Variants in AUTS2 observed in about 807,000 individuals in gnomAD.
The protein encoded by AUTS2 is autism susceptibility gene 2 protein.
In AUTS2, 17 loss-of-function variants were observed where a neutral mutation model predicts 112.4. The observed-to-expected ratio is 0.15, with a 90% CI of 0.10 to 0.23. The LOEUF (loss-of-function observed/expected upper bound fraction) is 0.23. Ranked by LOEUF, AUTS2 falls within the 10% of genes least tolerant of loss-of-function variation. AUTS2 has a pLI of 1.00. For missense variants in AUTS2, 1,510 were observed against 1,701.6 expected (o/e 0.89, Z 1.98); for synonymous variants, 751 against 702.7 (o/e 1.07, Z -1.09).
chr7:70,315,448 A>G (rs1396198755), intron 4 of AUTS2, among the ~76,000 whole-genome samples: 3 of 152,160 alleles, frequency 2.0e-5, no homozygotes, highest in Admixed American at 6.6e-5. Context: ...TGAAATTAGC[A>G]AATACATGCC....
At chr7:69,664,440 A>G (rs1409448239) in intron 1 of AUTS2, among the ~76,000 whole-genome samples, 2 of 151,910 alleles carry the variant, frequency 1.3e-5, no homozygotes, top group Non-Finnish European at 3.0e-5. Context: ...CTTGTGAATT[A>G]ATTGTTTTAT....
chr7:69,947,237 G>A (rs1211200932), intron 2 of AUTS2, among the ~76,000 whole-genome samples: 1 of 152,174 alleles, frequency 6.6e-6, no homozygotes, highest in African/African-American at 2.4e-5. Flanking sequence ...TTGTGTGCAA[G>A]GCTTGGAGGG....
Position 70,376,195 on chromosome 7 carries a change from T to C in AUTS2, c.661-59557T>C, listed in dbSNP as rs540790622. Among the ~76,000 whole-genome samples the C allele has an allele frequency of 8.5e-5, 13 of 152,124 alleles. No individual in the cohort carries two copies. The South Asian group carries it at 2.7e-3, about 32-fold the overall frequency. On this transcript the variant is annotated intron_variant, in intron 4 of 18. Coordinates refer to ENST00000342771, the MANE Select transcript of AUTS2 (RefSeq NM_015570.4). Reference sequence around the variant, plus strand: ...ATGATAATTGATGATAGGGTTGGAGTTTTAAAATGTTTCCGTGTGAACATC... The same window carrying C: ...ATGATAATTGATGATAGGGTTGGAGCTTTAAAATGTTTCCGTGTGAACATC...
At chr7:70,519,757 G>A (rs995120932) in intron 5 of AUTS2, among the ~76,000 whole-genome samples, 1 of 152,288 alleles carries the variant, frequency 6.6e-6, no homozygotes, top group African/African-American at 2.4e-5. Context: ...GACACACAAA[G>A]TTAGTGACAC....
intron 5 of AUTS2, among the ~76,000 whole-genome samples, chr7:70,593,916 G>C (rs1803069990): frequency 6.6e-6 from 1 of 152,146 alleles, no homozygotes; most frequent in Non-Finnish European, 1.5e-5. Context: ...TCAGTCCAGG[G>C]GCCAGCAGCG....
chr7:70,627,564 T>G (rs1356552902), intron 5 of AUTS2, among the ~76,000 whole-genome samples: 1 of 152,216 alleles, frequency 6.6e-6, no homozygotes, highest in African/African-American at 2.4e-5. Flanking sequence ...AGCTCATTAT[T>G]CCATCTCTGC....
intron 2 of AUTS2, among the ~76,000 whole-genome samples, chr7:70,102,862 C>T (rs1232170010): frequency 1.3e-5 from 2 of 151,906 alleles, no homozygotes; most frequent in South Asian, 2.1e-4. Context: ...TTAGAGACTG[C>T]TTTAATTATT....
chr7:70,262,379 G>A (rs182391241), intron 4 of AUTS2, among the ~76,000 whole-genome samples: 204 of 152,144 alleles, frequency 1.3e-3, no homozygotes, highest in Non-Finnish European at 2.3e-3. Context: ...TACTAGAGAC[G>A]AGGTTTCACC....
intron 6 of AUTS2, among the ~76,000 whole-genome samples, chr7:70,739,419 A>C (rs2129553836): frequency 6.7e-6 from 1 of 148,582 alleles, no homozygotes; most frequent in South Asian, 2.1e-4. Context: ...GCCTCAAGCG[A>C]TCTTCCCACC....
chr7:70,084,774 G>A (rs567608098), intron 2 of AUTS2, among the ~76,000 whole-genome samples: 9 of 151,930 alleles, frequency 5.9e-5, no homozygotes, highest in East Asian at 1.9e-4. Context: ...GACCTTTATC[G>A]GATATATGGT....
At chr7:69,755,180 C>T (rs138307260) in intron 1 of AUTS2, among the ~76,000 whole-genome samples, 5 of 152,174 alleles carry the variant, frequency 3.3e-5, no homozygotes, top group South Asian at 2.1e-4. Context: ...GTGGCCTTAT[C>T]GAGAACAAGA....
rs575069745 is a variant in AUTS2, at chr7:70,072,275, A to T, written c.523-45857A>T. Reference sequence around the variant, plus strand: ...AATCAGAGTGGATTAGAGAAAGCTTAGCAGGCCTAGCATGAGGCCTGAGTT... The same window carrying T: ...AATCAGAGTGGATTAGAGAAAGCTTTGCAGGCCTAGCATGAGGCCTGAGTT... On this transcript the variant is annotated intron_variant, in intron 2 of 18. Coordinates refer to ENST00000342771, the MANE Select transcript of AUTS2 (RefSeq NM_015570.4). Among the ~76,000 whole-genome samples, 4 of 152,240 alleles carry T rather than the reference A, an allele frequency of 2.6e-5. No homozygotes were observed. The East Asian group carries it at 7.7e-4, about 29-fold the overall frequency.
intron 6 of AUTS2, among the ~76,000 whole-genome samples, chr7:70,751,510 C>T (rs905830845): frequency 1.3e-5 from 2 of 152,172 alleles, no homozygotes; most frequent in African/African-American, 2.4e-5. Flanking sequence ...AATAAGCTAA[C>T]ATTTTCCCCA....
chr7:70,490,462 C>G (rs1314675469), intron 5 of AUTS2, among the ~76,000 whole-genome samples: 1 of 151,872 alleles, frequency 6.6e-6, no homozygotes, highest in Non-Finnish European at 1.5e-5. Flanking sequence ...GTTGCCATAG[C>G]AGGCAGGAGC....
At chr7:70,426,298 CG>C (rs922257409) in intron 4 of AUTS2, among the ~76,000 whole-genome samples, 6 of 152,144 alleles carry the variant, frequency 3.9e-5, no homozygotes, top group Non-Finnish European at 8.8e-5. Flanking sequence ...GATTCCACCC[CG>C]CCTCTCCCCT....
intron 1 of AUTS2, among the ~76,000 whole-genome samples, chr7:69,636,916 C>T (rs1014744698): frequency 2.6e-5 from 4 of 152,082 alleles, no homozygotes; most frequent in African/African-American, 7.2e-5. Context: ...CAGGCGCCTG[C>T]CACCACGTCC....
chr7:69,814,894 A>T (rs562056974), intron 1 of AUTS2, among the ~76,000 whole-genome samples: 81 of 152,306 alleles, frequency 5.3e-4, no homozygotes, highest in Admixed American at 2.5e-3. Context: ...GTGGCATCTT[A>T]ATGAAAGGCA....
intron 2 of AUTS2, among the ~76,000 whole-genome samples, chr7:70,018,971 T>C (rs1258784374): frequency 6.6e-6 from 1 of 152,192 alleles, no homozygotes; most frequent in Non-Finnish European, 1.5e-5. Flanking sequence ...TGTATGTTCA[T>C]TGCAGTACTA....
chr7:70,058,150 C>G (rs1007099104), intron 2 of AUTS2, among the ~76,000 whole-genome samples: 10 of 152,140 alleles, frequency 6.6e-5, no homozygotes, highest in Admixed American at 5.9e-4. Flanking sequence ...TGAAACTAAG[C>G]CATTCAGTAC....
Sources: gnomAD v4.1 joint callset for allele counts (sites outside exome capture counted in the v4.1 genomes callset) on GRCh38, gnomAD v4.1.1 for gene constraint, MANE v1.5 for transcripts, NCBI Gene and HGNC (gene_info 2026-07-23, HGNC 2026-07-21) for gene names.